The following RBFOX1 variants were observed in gnomAD, a reference collection of about 807,000 sequenced individuals.
The protein encoded by RBFOX1 is RNA binding protein fox-1 homolog 1.
Under a neutral mutation model 57.7 loss-of-function variants are expected in RBFOX1, and 8 were observed. The ratio of observed to expected loss-of-function variants is 0.14; its 90% CI spans 0.08 to 0.25. The LOEUF (loss-of-function observed/expected upper bound fraction) is 0.25. RBFOX1 is among the 10% of genes least tolerant of loss of function. The pLI, the probability that RBFOX1 is intolerant of heterozygous loss-of-function variation, is 1.00. For missense variants in RBFOX1, 611 were observed against 548.5 expected, an observed-to-expected ratio of 1.11 and a Z score of -1.14; for synonymous variants, 326 against 222.4, an observed-to-expected ratio of 1.47 and a Z score of -4.15.
At chr16:6,003,476 C>T (rs2060637177) in intron 4 of RBFOX1, among the ~76,000 whole-genome samples, 2 of 151,856 alleles carry the variant, frequency 1.3e-5, no homozygotes, top group South Asian at 4.2e-4. Flanking sequence ...CACCACCACC[C>T]CTCCCACCCG....
At chr16:6,856,946 G>C (rs1198399052) in intron 3 of RBFOX1, among the ~76,000 whole-genome samples, 1 of 152,138 alleles carries the variant, frequency 6.6e-6, no homozygotes, top group Non-Finnish European at 1.5e-5. Flanking sequence ...AACGAACGGA[G>C]GGACATGAGA....
intron 3 of RBFOX1, among the ~76,000 whole-genome samples, chr16:6,859,408 T>C (rs1379844894): frequency 6.6e-6 from 1 of 151,870 alleles, no homozygotes; most frequent in African/African-American, 2.4e-5. Flanking sequence ...GGCTCTAATA[T>C]CATAATTGAT....
chr16:5,637,668 G>C (rs1405020272), intron 3 of RBFOX1, among the ~76,000 whole-genome samples: 1 of 152,174 alleles, frequency 6.6e-6, no homozygotes, highest in African/African-American at 2.4e-5. Flanking sequence ...CTCTACTTCT[G>C]ATGAATCCAG....
chr16:6,738,087 A>T (rs1365507524), intron 3 of RBFOX1, among the ~76,000 whole-genome samples: 1 of 152,032 alleles, frequency 6.6e-6, no homozygotes, highest in Non-Finnish European at 1.5e-5. Context: ...CTTAAAAAAA[A>T]AAAAAAGTCA....
intron 4 of RBFOX1, among the ~76,000 whole-genome samples, chr16:7,106,942 A>C (rs1360284603): frequency 1.4e-5 from 2 of 144,270 alleles, no homozygotes; most frequent in Non-Finnish European, 3.0e-5. Context: ...ACACGTCCCT[A>C]ATCCTACGAA....
chr16:6,275,050 G>A (rs2152684506), intron 1 of RBFOX1, among the ~76,000 whole-genome samples: 1 of 152,320 alleles, frequency 6.6e-6, no homozygotes, highest in Non-Finnish European at 1.5e-5. Flanking sequence ...TCTACAGAGA[G>A]TCACATTGTC....
chr16:7,201,123 C>T (rs1387856450), intron 4 of RBFOX1, among the ~76,000 whole-genome samples: 1 of 152,104 alleles, frequency 6.6e-6, no homozygotes, highest in Non-Finnish European at 1.5e-5. Context: ...GGCAACAAAG[C>T]TGGAAGATAT....
downstream of RBFOX1, among the ~76,000 whole-genome samples, chr16:5,604,030 T>G (rs559210738): frequency 6.6e-6 from 1 of 151,956 alleles, no homozygotes; most frequent in African/African-American, 2.4e-5. Context: ...ATTCCCCCCT[T>G]CTATACTCCA....
At chr16:6,190,655 C>T (rs1477597328) in intron 1 of RBFOX1, among the ~76,000 whole-genome samples, 1 of 152,130 alleles carries the variant, frequency 6.6e-6, no homozygotes, top group Non-Finnish European at 1.5e-5. Context: ...TTGGGGAACA[C>T]ACAGCCACCA....
chr16:6,735,553 C>T (rs937027003), intron 3 of RBFOX1, among the ~76,000 whole-genome samples: 9 of 152,158 alleles, frequency 5.9e-5, no homozygotes, highest in South Asian at 4.1e-4. Context: ...AACTATTTCT[C>T]GTCCCCATGG....
intron 3 of RBFOX1, among the ~76,000 whole-genome samples, chr16:6,956,999 C>G (rs891200433): frequency 6.6e-6 from 1 of 151,654 alleles, no homozygotes; most frequent in Non-Finnish European, 1.5e-5. Context: ...AAAGTGAAAG[C>G]AAGTTTATTA....
chr16:7,375,264 G>GGAC (rs532198679), intron 4 of RBFOX1, among the ~76,000 whole-genome samples: 3 of 152,158 alleles, frequency 2.0e-5, no homozygotes, highest in Non-Finnish European at 4.4e-5. Context: ...TTCAAAGACA[G>GGAC]GACAGCCTGA....
intron 2 of RBFOX1, among the ~76,000 whole-genome samples, chr16:6,536,276 C>G (rs1047798762): frequency 6.6e-6 from 1 of 152,176 alleles, no homozygotes; most frequent in Non-Finnish European, 1.5e-5. Context: ...TCTTTGAATA[C>G]TTTCCTGTCT....
intron 2 of RBFOX1, among the ~76,000 whole-genome samples, chr16:5,510,307 G>C (rs1418655901): frequency 1.3e-5 from 2 of 152,200 alleles, no homozygotes; most frequent in African/African-American, 2.4e-5. Context: ...TCTTGCCTGG[G>C]GTTGGCTGGG....
At chr16:7,355,525 T>C (rs773052516) in intron 4 of RBFOX1, among the ~76,000 whole-genome samples, 2 of 152,182 alleles carry the variant, frequency 1.3e-5, no homozygotes, top group Admixed American at 1.3e-4. Flanking sequence ...AAGGACACCA[T>C]GCACGTGTGT....
intron 3 of RBFOX1, among the ~76,000 whole-genome samples, chr16:5,616,771 C>G (rs2048038771): frequency 6.7e-6 from 1 of 148,320 alleles, no homozygotes; most frequent in Non-Finnish European, 1.5e-5. Flanking sequence ...CCCCCTTCTC[C>G]CCTATTTTCC....
Position 7,045,990 on chromosome 16 carries a change from A to G in RBFOX1, c.-15-6067A>G, listed in dbSNP as rs116803414. ...ACTTTTTATTAATTAACGAAAATCAATGCTATCACTATTACTATACATTTT... is the reference window on the plus strand; with the variant it reads ...ACTTTTTATTAATTAACGAAAATCAGTGCTATCACTATTACTATACATTTT... On this transcript the variant is annotated intron_variant, in intron 3 of 15. Transcript: ENST00000550418. Among the ~76,000 whole-genome samples, 788 of 152,272 alleles carry G rather than the reference A, an allele frequency of 5.2e-3. 7 individuals carry two copies. Among genetic ancestry groups the G allele is most frequent in the African/African-American group, 0.018 (737 of 41,552 alleles).
At chr16:5,775,576 C>T (rs1229294860) in intron 3 of RBFOX1, among the ~76,000 whole-genome samples, 1 of 152,212 alleles carries the variant, frequency 6.6e-6, no homozygotes, top group Non-Finnish European at 1.5e-5. Context: ...ACAGGTGTCT[C>T]AATGCTCAGG....
intron 4 of RBFOX1, among the ~76,000 whole-genome samples, chr16:7,281,659 G>A (rs1266316997): frequency 6.6e-6 from 1 of 152,068 alleles, no homozygotes; most frequent in Non-Finnish European, 1.5e-5. Context: ...AGAAGACAGT[G>A]TCCAGCCACT....
Sources: gnomAD v4.1 joint callset for allele counts (sites outside exome capture counted in the v4.1 genomes callset) on GRCh38, gnomAD v4.1.1 for gene constraint, MANE v1.5 for transcripts, NCBI Gene and HGNC (gene_info 2026-07-23, HGNC 2026-07-21) for gene names.